CNTNAP3B: variants seen among roughly 807,000 people sequenced by gnomAD.
The protein encoded by CNTNAP3B is contactin associated protein family member 3B.
In CNTNAP3B, 25 loss-of-function variants were observed where a neutral mutation model predicts 108.9. The ratio of observed to expected loss-of-function variants is 0.23; its 90% CI spans 0.17 to 0.32. The LOEUF (loss-of-function observed/expected upper bound fraction) is 0.32. Ranked by LOEUF, CNTNAP3B falls within the 10% of genes least tolerant of loss-of-function variation. The pLI is 1.00. For synonymous variants in CNTNAP3B, 103 were observed against 473.4 expected, an observed-to-expected ratio of 0.22 and a Z score of 10.16; for missense variants, 252 against 1,210.4, an observed-to-expected ratio of 0.21 and a Z score of 11.75.
chr9:41,954,737 G>T (rs1307085178), intron 12 of CNTNAP3B, among the ~76,000 whole-genome samples: 82 of 152,234 alleles, frequency 5.4e-4, no homozygotes, highest in Non-Finnish European at 1.1e-3. Context: ...AGGCTGGAGT[G>T]CAGTGGCGCT....
chr9:41,918,448 G>T (rs1316094209), intron 18 of CNTNAP3B, among the ~76,000 whole-genome samples: 80 of 145,100 alleles, frequency 5.5e-4, no homozygotes, highest in African/African-American at 2.1e-3. Context: ...AATGTGTTTA[G>T]TACACACATA....
At chr9:41,943,081 G>A (rs1824410582) in intron 13 of CNTNAP3B, among the ~76,000 whole-genome samples, 3 of 152,280 alleles carry the variant, frequency 2.0e-5, no homozygotes, top group Admixed American at 6.5e-5. Context: ...TATGCTAAGG[G>A]CTCTATGTTG....
At chr9:42,070,549 AC>A (rs1827351704) in intron 3 of CNTNAP3B, among the ~76,000 whole-genome samples, 1 of 143,416 alleles carries the variant, frequency 7.0e-6, no homozygotes, top group Non-Finnish European at 1.5e-5. Context: ...ACCCAGCCAC[AC>A]CCTCAGCCTC....
At chr9:42,109,840 C>T (rs934293502) in intron 1 of CNTNAP3B, among the ~76,000 whole-genome samples, 1 of 134,686 alleles carries the variant, frequency 7.4e-6, no homozygotes. Context: ...CTGGCTGGGT[C>T]TTAAATACCA....
In CNTNAP3B at chr9:42,129,165, C is replaced by A. The variant is rs1454495393; in HGVS notation, c.-71G>T. The A allele has an allele frequency of 8.0e-6, 12 of 1,495,410 alleles. 1 individual carries two copies. In the African/African-American group the frequency reaches 1.6e-4, roughly 20 times the overall value. 92.6% of individuals were successfully genotyped at this position (1,495,410 alleles called of 1,614,324 possible). A position where few individuals can be genotyped will look rare whatever the true frequency, so the allele number is the denominator to read the frequency against. On this transcript the variant is annotated 5_prime_UTR_variant, in exon 1 of 24. Coordinates refer to ENST00000377561, the MANE Select transcript of CNTNAP3B (RefSeq NM_001201380.3). Reference sequence around the variant, plus strand: ...GCTCTGCGTCGTTCCTGCTCTCACTCCCGCTCTCACTCCCGTCCCCTGCGC... The same window carrying A: ...GCTCTGCGTCGTTCCTGCTCTCACTACCGCTCTCACTCCCGTCCCCTGCGC...
chr9:42,127,863 A>G (rs913646726), intron 1 of CNTNAP3B, among the ~76,000 whole-genome samples: 1 of 139,332 alleles, frequency 7.2e-6, no homozygotes, highest in Non-Finnish European at 1.5e-5. Context: ...CAGGCAGAAC[A>G]GCACTGAGCT....
chr9:41,945,748 G>T (rs1824514324), intron 13 of CNTNAP3B, among the ~76,000 whole-genome samples: 1 of 152,302 alleles, frequency 6.6e-6, no homozygotes, highest in African/African-American at 2.4e-5. Flanking sequence ...ATGTACCCTA[G>T]AAATTAAGGT....
chr9:42,098,718 A>G (rs1827962751), intron 2 of CNTNAP3B, among the ~76,000 whole-genome samples: 1 of 120,696 alleles, frequency 8.3e-6, no homozygotes, highest in African/African-American at 3.3e-5. Flanking sequence ...CTATGGTTTC[A>G]TATTCACTGA....
chr9:41,991,200 G>C (rs568783422), intron 8 of CNTNAP3B, among the ~76,000 whole-genome samples: 1 of 95,784 alleles, frequency 1.0e-5, no homozygotes, highest in South Asian at 3.1e-4. Context: ...ATTGACTACT[G>C]TGTATAGAAT....
Position 42,080,171 on chromosome 9 carries a change from A to T in CNTNAP3B, c.197-3109T>A, listed in dbSNP as rs1462787970. On this transcript the variant is annotated intron_variant, in intron 2 of 23. Transcript: ENST00000377561. ...GTGTGTTTTCATTAGATGAAGAGGGAGCCACTAGCCATCCCTCTTCTCGGC... is the reference window on the plus strand; with the variant it reads ...GTGTGTTTTCATTAGATGAAGAGGGTGCCACTAGCCATCCCTCTTCTCGGC... 2.9e-5 allele frequency among the ~76,000 whole-genome samples: 4 copies of T among 137,000 alleles called. 1 individual carries two copies. In the East Asian group the frequency reaches 8.9e-4, roughly 30 times the overall value. 89.9% of individuals were successfully genotyped at this position (137,000 alleles called of 152,430 possible). A position where few individuals can be genotyped will look rare whatever the true frequency, so the allele number is the denominator to read the frequency against.
chr9:41,941,712 C>T (rs543140736), intron 13 of CNTNAP3B, among the ~76,000 whole-genome samples: 493 of 141,572 alleles, frequency 3.5e-3, no homozygotes, highest in Admixed American at 6.7e-3. Flanking sequence ...AGCATCACGG[C>T]TAATGGTGCC....
chr9:42,079,476 T>A (rs1827566321), intron 2 of CNTNAP3B, among the ~76,000 whole-genome samples: 1 of 120,660 alleles, frequency 8.3e-6, no homozygotes, highest in African/African-American at 3.4e-5. Flanking sequence ...TGTATCCTTT[T>A]CTGTTTTTCT....
chr9:42,087,297 C>T (rs1288356074), intron 2 of CNTNAP3B, among the ~76,000 whole-genome samples: 1 of 136,594 alleles, frequency 7.3e-6, no homozygotes, highest in Non-Finnish European at 1.6e-5. Flanking sequence ...GCAGCTTGCA[C>T]TCCTACATGT....
chr9:41,935,486 TG>T (rs1434191820), intron 14 of CNTNAP3B, among the ~76,000 whole-genome samples: 4 of 152,294 alleles, frequency 2.6e-5, no homozygotes, highest in Non-Finnish European at 4.4e-5. Flanking sequence ...TATGTTCTTA[TG>T]TCTACACCTT....
chr9:41,963,764 A>C (rs1825178620), intron 11 of CNTNAP3B, among the ~76,000 whole-genome samples: 1 of 151,874 alleles, frequency 6.6e-6, no homozygotes, highest in Non-Finnish European at 1.5e-5. Context: ...CAACCTCCTT[A>C]GCTCAACTCC....
chr9:41,972,548 G>A (rs1438249155), intron 9 of CNTNAP3B, among the ~76,000 whole-genome samples: 3 of 138,234 alleles, frequency 2.2e-5, no homozygotes, highest in Non-Finnish European at 4.6e-5. Flanking sequence ...AATACTTTCT[G>A]CTTTAGATCC....
intron 9 of CNTNAP3B, among the ~76,000 whole-genome samples, chr9:41,973,249 G>C: frequency 7.0e-6 from 1 of 143,536 alleles, no homozygotes; most frequent in East Asian, 2.1e-4. Flanking sequence ...GCCCAGCCAG[G>C]TTATTCTTAA....
chr9:42,111,460 C>T lies in CNTNAP3B; in HGVS notation c.86-6721G>A, dbSNP rs377703506. ...GAACAGAAATAAAGGAAAATAGTCA[C>T]GCTCCTAAGCTGGTAAACGGTATGC... On this transcript the variant is annotated intron_variant, in intron 1 of 23. Coordinates refer to ENST00000377561, the MANE Select transcript of CNTNAP3B (RefSeq NM_001201380.3). Among the ~76,000 whole-genome samples the T allele has an allele frequency of 2.5e-4, 34 of 138,406 alleles. 9 individuals carry two copies. The South Asian group carries it at 2.8e-3, about 11-fold the overall frequency. The allele number at this position is 138,406 out of a possible 152,430, so 90.8% of individuals were successfully genotyped here.
At chr9:42,046,531 G>A (rs1163978234) in intron 3 of CNTNAP3B, among the ~76,000 whole-genome samples, 1 of 124,522 alleles carries the variant, frequency 8.0e-6, no homozygotes, top group African/African-American at 3.3e-5. Context: ...TTTTGTTTTT[G>A]TTTCTTGGGT....
Sources: gnomAD v4.1 joint callset for allele counts (sites outside exome capture counted in the v4.1 genomes callset) on GRCh38, gnomAD v4.1.1 for gene constraint, MANE v1.5 for transcripts, NCBI Gene and HGNC (gene_info 2026-07-23, HGNC 2026-07-21) for gene names.